SLC35F1: variants seen among roughly 807,000 people sequenced by gnomAD.
The protein encoded by SLC35F1 is chromosome 6 open reading frame 169.
SLC35F1 carries 14 observed loss-of-function variants against 48.7 expected under a neutral mutation model. The ratio of observed to expected loss-of-function variants is 0.29; its 90% CI spans 0.19 to 0.45. The LOEUF (loss-of-function observed/expected upper bound fraction) is 0.45, where lower values mean the gene tolerates loss of function less well. Among genes scored for constraint, SLC35F1 ranks in the 20% least tolerant of loss-of-function variants. The pLI, the probability that SLC35F1 is intolerant of heterozygous loss-of-function variation, is 1.00. For synonymous variants in SLC35F1, 190 were observed against 202.2 expected (o/e 0.94, Z 0.51); for missense variants, 404 against 500.0 (o/e 0.81, Z 1.83).
chr6:117,968,627 A>G (rs1776601440), intron 1 of SLC35F1, among the ~76,000 whole-genome samples: 1 of 152,200 alleles, frequency 6.6e-6, no homozygotes, highest in African/African-American at 2.4e-5. Context: ...TGACAGTTGT[A>G]TACTCAGAAG....
At chr6:118,005,691 T>TC (rs1227403582) in intron 1 of SLC35F1, among the ~76,000 whole-genome samples, 2 of 152,136 alleles carry the variant, frequency 1.3e-5, no homozygotes, top group Non-Finnish European at 1.5e-5. Flanking sequence ...TCACAGTATT[T>TC]CCCCCCAATA....
intron 1 of SLC35F1, among the ~76,000 whole-genome samples, chr6:118,072,639 A>G (rs1772752178): frequency 6.6e-6 from 1 of 152,008 alleles, no homozygotes; most frequent in Non-Finnish European, 1.5e-5. Flanking sequence ...TTCCTACAGG[A>G]TAATATTTCA....
chr6:118,300,248 G>A (rs371271761), intron 7 of SLC35F1, among the ~76,000 whole-genome samples: 6 of 152,116 alleles, frequency 3.9e-5, no homozygotes, highest in South Asian at 4.1e-4. Flanking sequence ...TGGGTATATC[G>A]TAGTGGGTAT....
At chr6:117,967,329 A>C (rs554735235) in intron 1 of SLC35F1, among the ~76,000 whole-genome samples, 1 of 152,228 alleles carries the variant, frequency 6.6e-6, no homozygotes, top group African/African-American at 2.4e-5. Flanking sequence ...AATTTTTACT[A>C]TATTTCTAAA....
intron 4 of SLC35F1, among the ~76,000 whole-genome samples, chr6:118,274,458 A>G (rs1775894861): frequency 6.6e-6 from 1 of 152,154 alleles, no homozygotes; most frequent in African/African-American, 2.4e-5. Context: ...GTGAAGTGGC[A>G]TGATCTCGGC....
At chr6:118,151,288 G>A (rs1308145635) in intron 1 of SLC35F1, among the ~76,000 whole-genome samples, 1 of 151,940 alleles carries the variant, frequency 6.6e-6, no homozygotes, top group Non-Finnish European at 1.5e-5. Flanking sequence ...TCCATTTCCA[G>A]TATTTTCACC....
intron 1 of SLC35F1, among the ~76,000 whole-genome samples, chr6:118,133,284 C>T (rs1271601836): frequency 6.6e-6 from 1 of 152,040 alleles, no homozygotes; most frequent in Non-Finnish European, 1.5e-5. Context: ...AAATGAAACC[C>T]AGGTGCAAAT....
intron 2 of SLC35F1, among the ~76,000 whole-genome samples, chr6:118,179,427 T>C (rs1774539172): frequency 6.6e-6 from 1 of 152,024 alleles, no homozygotes; most frequent in South Asian, 2.1e-4. Context: ...AGAGAAAGAG[T>C]GAATTTGCCT....
rs1312155997 is a variant in SLC35F1, at chr6:118,291,296, C to T, written c.1002+5958C>T. Among the ~76,000 whole-genome samples the T allele has an allele frequency of 5.3e-5, 8 of 150,588 alleles. No individual in the cohort carries two copies. In the South Asian group the frequency reaches 1.0e-3, roughly 20 times the overall value. On this transcript the variant is annotated intron_variant, in intron 7 of 7. Coordinates refer to ENST00000360388, the MANE Select transcript of SLC35F1 (RefSeq NM_001029858.4). ...ACACACACACACACATATATAATAA[C>T]TTTGGGAAAAGCTGTGTGTATATAT...
chr6:118,143,829 A>G (rs932664407), intron 1 of SLC35F1, among the ~76,000 whole-genome samples: 2 of 152,318 alleles, frequency 1.3e-5, no homozygotes, highest in African/African-American at 4.8e-5. Context: ...GATATGTATT[A>G]TGATCTCCAT....
At chr6:118,164,965 A>AC (rs962521373) in intron 2 of SLC35F1, among the ~76,000 whole-genome samples, 1 of 152,020 alleles carries the variant, frequency 6.6e-6, no homozygotes, top group Non-Finnish European at 1.5e-5. Context: ...AAGCTCAGAG[A>AC]CCCCTCCCCC....
chr6:118,182,504 A>AAG (rs759706764), intron 2 of SLC35F1, among the ~76,000 whole-genome samples: 10 of 90,722 alleles, frequency 1.1e-4, no homozygotes, highest in African/African-American at 1.7e-4. Flanking sequence ...AAAAAAAAGA[A>AAG]AGAGAGAGAG....
intron 1 of SLC35F1, among the ~76,000 whole-genome samples, chr6:117,949,825 C>A (rs746548633): frequency 6.6e-6 from 1 of 152,012 alleles, no homozygotes; most frequent in Non-Finnish European, 1.5e-5. Flanking sequence ...AGAGGATTTA[C>A]GTTTGGTCAT....
chr6:118,248,292 G>A (rs1775532560), intron 3 of SLC35F1, among the ~76,000 whole-genome samples: 1 of 152,170 alleles, frequency 6.6e-6, no homozygotes, highest in Middle Eastern at 3.2e-3. Context: ...ACAGTAAGCA[G>A]AATAATGGCC....
intron 7 of SLC35F1, among the ~76,000 whole-genome samples, chr6:118,291,407 T>G (rs1438966066): frequency 6.6e-6 from 1 of 152,236 alleles, no homozygotes; most frequent in Non-Finnish European, 1.5e-5. Context: ...GTCACTTGTC[T>G]TTTTATTATT....
chr6:118,033,473 A>G (rs1321177489), intron 1 of SLC35F1, among the ~76,000 whole-genome samples: 4 of 152,160 alleles, frequency 2.6e-5, no homozygotes, highest in African/African-American at 4.8e-5. Context: ...TTACTATTCA[A>G]CTATGTTAGT....
intron 1 of SLC35F1, among the ~76,000 whole-genome samples, chr6:118,085,155 G>A (rs749317643): frequency 1.3e-5 from 2 of 152,118 alleles, no homozygotes; most frequent in Admixed American, 6.5e-5. Context: ...GAGCTGCCAA[G>A]ACTCTCCTAG....
intron 1 of SLC35F1, among the ~76,000 whole-genome samples, chr6:118,071,003 TATATACAC>T (rs1772703378): frequency 1.4e-5 from 2 of 146,668 alleles, no homozygotes; most frequent in African/African-American, 5.1e-5. Flanking sequence ...TGTGTGTATA[TATATACAC>T]GTAGTATATA....
intron 1 of SLC35F1, among the ~76,000 whole-genome samples, chr6:118,098,815 C>T (rs773883467): frequency 4.6e-5 from 7 of 151,956 alleles, no homozygotes; most frequent in African/African-American, 1.2e-4. Context: ...AGACTTTTAA[C>T]GTATTTATTT....
Sources: gnomAD v4.1 joint callset for allele counts (sites outside exome capture counted in the v4.1 genomes callset) on GRCh38, gnomAD v4.1.1 for gene constraint, MANE v1.5 for transcripts, NCBI Gene and HGNC (gene_info 2026-07-23, HGNC 2026-07-21) for gene names.